PRKN: variants seen among roughly 807,000 people sequenced by gnomAD.
PRKN encodes parkin RBR E3 ubiquitin protein ligase, also known as E3 ubiquitin-protein ligase parkin.
Under a neutral mutation model 59.5 loss-of-function variants are expected in PRKN, and 56 were observed. That is an observed-to-expected ratio of 0.94 (90% CI 0.76 to 1.18). The LOEUF is 1.18. Among genes scored for constraint, PRKN ranks in the 50% most tolerant of loss-of-function variants. The pLI is 0.00. For missense variants in PRKN, 657 were observed against 596.4 expected, an observed-to-expected ratio of 1.10 and a Z score of -1.06; for synonymous variants, 250 against 222.1, an observed-to-expected ratio of 1.13 and a Z score of -1.12.
At chr6:162,030,803 G>A (rs998250135) in intron 5 of PRKN, among the ~76,000 whole-genome samples, 1 of 152,134 alleles carries the variant, frequency 6.6e-6, no homozygotes, top group Non-Finnish European at 1.5e-5. Context: ...GGATGTACAG[G>A]TGATGGACAC....
chr6:162,321,724 T>A (rs1783032467), intron 2 of PRKN, among the ~76,000 whole-genome samples: 1 of 151,972 alleles, frequency 6.6e-6, no homozygotes, highest in South Asian at 2.1e-4. Context: ...TCAAACATAA[T>A]TTACCATGGT....
At chr6:162,515,218 G>C (rs1215113638) in intron 1 of PRKN, among the ~76,000 whole-genome samples, 1 of 151,950 alleles carries the variant, frequency 6.6e-6, no homozygotes, top group African/African-American at 2.4e-5. Flanking sequence ...GAGTACCTGG[G>C]ATTACAAGCA....
rs181995863 is a variant in PRKN at position 161,991,104 on chromosome 6, C to T, written c.619-17687G>A. ...AGAGAGAATAGGATGATATAGAGTG[C>T]TGAATGAAAAAACATGCTAGGAAAG... On this transcript the variant is annotated intron_variant, in intron 5 of 11. Coordinates refer to ENST00000366898, the MANE Select transcript of PRKN (RefSeq NM_004562.3). Among the ~76,000 whole-genome samples the T allele has an allele frequency of 5.9e-5, 9 of 152,148 alleles. No individual in the cohort carries two copies. In the East Asian group the frequency reaches 1.5e-3, roughly 26 times the overall value.
At chr6:161,894,456 C>A (rs1777535358) in intron 6 of PRKN, among the ~76,000 whole-genome samples, 1 of 152,204 alleles carries the variant, frequency 6.6e-6, no homozygotes, top group Admixed American at 6.5e-5. Flanking sequence ...TAAACTACAA[C>A]CAAACTCATC....
chr6:161,906,676 G>GATATATATATATATATA (rs1778159828), intron 6 of PRKN, among the ~76,000 whole-genome samples: 1 of 106,780 alleles, frequency 9.4e-6, no homozygotes, highest in African/African-American at 3.5e-5. Flanking sequence ...ATATATATAT[G>GATATATATATATATATA]TATATATGAG....
chr6:162,516,551 A>G (rs185620754), intron 1 of PRKN, among the ~76,000 whole-genome samples: 103 of 152,310 alleles, frequency 6.8e-4, no homozygotes, highest in African/African-American at 2.4e-3. Flanking sequence ...CAGGAGTTCA[A>G]GACCAGGCTG....
chr6:161,910,781 T>G (rs527677704), intron 6 of PRKN, among the ~76,000 whole-genome samples: 4 of 152,156 alleles, frequency 2.6e-5, no homozygotes, highest in Admixed American at 6.5e-5. Flanking sequence ...CCCAAACAAT[T>G]TGGCAGTCAA....
intron 4 of PRKN, among the ~76,000 whole-genome samples, chr6:162,094,269 T>C (rs1255517979): frequency 6.6e-6 from 1 of 152,012 alleles, no homozygotes; most frequent in East Asian, 1.9e-4. Context: ...GTGGGAGGAC[T>C]GCATGAGCCC....
intron 7 of PRKN, among the ~76,000 whole-genome samples, chr6:161,720,936 C>T (rs1172940586): frequency 6.6e-6 from 1 of 152,088 alleles, no homozygotes; most frequent in Non-Finnish European, 1.5e-5. Context: ...CATTACTTCC[C>T]GTTCATAATG....
intron 4 of PRKN, among the ~76,000 whole-genome samples, chr6:162,081,641 C>A (rs764197083): frequency 2.6e-5 from 4 of 152,086 alleles, no homozygotes; most frequent in Non-Finnish European, 5.9e-5. Flanking sequence ...TTAGCATAAT[C>A]TTAAGGGACC....
At position 161,525,078 on chromosome 6, in the gene PRKN, C is replaced by G. The variant is rs1778970076; in HGVS notation, c.1083+23776G>C. Among the ~76,000 whole-genome samples, 1 of 152,050 alleles carries G rather than the reference C, an allele frequency of 6.6e-6. No homozygotes were observed. Reference sequence around the variant, plus strand: ...TGCCTAAGCAAATGATATTTCATCTCTTAATGTGAAAATAAGATTTTTGAG... The same window carrying G: ...TGCCTAAGCAAATGATATTTCATCTGTTAATGTGAAAATAAGATTTTTGAG... On this transcript the variant is annotated intron_variant, in intron 9 of 11. Transcript: ENST00000366898. This position sits in a 1 kb window ranked among gnomAD's most constrained non-coding sequence, Gnocchi z 4.7.
Position 161,447,002 on chromosome 6 carries a change from T to G in PRKN, c.1084-60125A>C, listed in dbSNP as rs1242386463. On this transcript the variant is annotated intron_variant, in intron 9 of 11. Transcript: ENST00000366898. This position sits in a 1 kb window ranked among gnomAD's most constrained non-coding sequence, Gnocchi z 4.1. The stretch of plus-strand genomic sequence containing the variant: ...GTGGGCTTTTTTTCCCCCTTAAGGC[T>G]AAATAGGATTTCTTTTCTGTTAGCT... 6.6e-6 allele frequency among the ~76,000 whole-genome samples: 1 copy of G among 152,204 alleles called. No individual in the cohort carries two copies. The highest frequency in any genetic ancestry group is 1.5e-5 in the Non-Finnish European group (1 of 68,022).
chr6:161,573,332 T>C (rs1583245245), intron 7 of PRKN, among the ~76,000 whole-genome samples: 1 of 152,180 alleles, frequency 6.6e-6, no homozygotes. Context: ...TATATTTAAT[T>C]GATATGTTTT....
At chr6:161,676,299 C>T (rs780474846) in intron 7 of PRKN, among the ~76,000 whole-genome samples, 15 of 152,208 alleles carry the variant, frequency 9.9e-5, no homozygotes, top group Non-Finnish European at 1.6e-4. Context: ...CATTAATTTG[C>T]ATAATCTGAT....
At chr6:161,694,993 C>T (rs948288924) in intron 7 of PRKN, among the ~76,000 whole-genome samples, 4 of 152,112 alleles carry the variant, frequency 2.6e-5, no homozygotes, top group African/African-American at 9.6e-5. Context: ...ACCCAGGCAT[C>T]GGCATTTCTT....
At chr6:162,521,903 A>G (rs1778092263) in intron 1 of PRKN, among the ~76,000 whole-genome samples, 1 of 152,150 alleles carries the variant, frequency 6.6e-6, no homozygotes, top group Non-Finnish European at 1.5e-5. Context: ...TTAATTTAAC[A>G]TCTTTATTTT....
At chr6:161,799,239 G>A (rs1790980065) in intron 6 of PRKN, among the ~76,000 whole-genome samples, 2 of 152,174 alleles carry the variant, frequency 1.3e-5, no homozygotes, top group African/African-American at 4.8e-5. Context: ...CTATCTTTCT[G>A]TATTCCCAAT....
intron 7 of PRKN, among the ~76,000 whole-genome samples, chr6:161,705,209 G>C (rs1325540263): frequency 2.0e-5 from 3 of 152,108 alleles, no homozygotes; most frequent in African/African-American, 7.2e-5. Flanking sequence ...ATTGTAACTT[G>C]AAAATATCAT....
chr6:162,378,488 G>A (rs1348915871), intron 2 of PRKN, among the ~76,000 whole-genome samples: 8 of 152,222 alleles, frequency 5.3e-5, no homozygotes, highest in African/African-American at 1.9e-4. Context: ...TGTAAGAAGA[G>A]CAACGTCATC....
Sources: gnomAD v4.1 joint callset for allele counts (sites outside exome capture counted in the v4.1 genomes callset) on GRCh38, gnomAD v4.1.1 for gene constraint, Gnocchi (gnomAD v3.1) non-coding constraint, MANE v1.5 for transcripts, NCBI Gene and HGNC (gene_info 2026-07-23, HGNC 2026-07-21) for gene names.